Variants in IL7 observed in about 807,000 individuals in gnomAD.
The protein encoded by IL7 is interleukin 7.
A neutral mutation model predicts 21.6 loss-of-function variants in IL7; 3 were observed. That is an observed-to-expected ratio of 0.14 (90% CI 0.06 to 0.36). The LOEUF is 0.36. Among genes scored for constraint, IL7 ranks in the 10% least tolerant of loss-of-function variants. IL7 has a pLI of 1.00. For missense variants in IL7, 175 were observed against 200.2 expected (o/e 0.87, Z 0.76); for synonymous variants, 62 against 68.1 (o/e 0.91, Z 0.44).
Position 78,697,367 on chromosome 8 carries a change from A to G in IL7, n.215-11420T>C, listed in dbSNP as rs1348558843. Reference sequence around the variant, plus strand: ...ACCACTACTTTACAATCCATAATCAAAAAGTGATGTTGATTAATATTTTTT... The same window carrying G: ...ACCACTACTTTACAATCCATAATCAGAAAGTGATGTTGATTAATATTTTTT... On this transcript the variant is annotated intron_variant and non_coding_transcript_variant, in intron 3 of 4. Coordinates refer to the IL7 transcript ENST00000523959. 2.7e-6 allele frequency: 4 copies of G among 1,501,210 alleles called. No homozygotes were observed. In the South Asian group the frequency reaches 3.7e-5, roughly 14 times the overall value. 93.0% of individuals were successfully genotyped at this position (1,501,210 alleles called of 1,614,324 possible).
chr8:78,761,827 G>A (rs368667110), intron 2 of IL7: 7 of 1,612,010 alleles, frequency 4.3e-6, no homozygotes, highest in Non-Finnish European at 5.9e-6. Context: ...GTGCCTGAAA[G>A]TTATCTGGAG....
intron 3 of IL7, among the ~76,000 whole-genome samples, chr8:78,691,860 G>A (rs116008975): frequency 1.8e-3 from 277 of 152,160 alleles, no homozygotes; most frequent in African/African-American, 6.5e-3. Flanking sequence ...TACTCTTGAT[G>A]TGTATTGTTA....
chr8:78,765,053 A>G (rs563845515), intron 2 of IL7, among the ~76,000 whole-genome samples: 9 of 152,258 alleles, frequency 5.9e-5, no homozygotes, highest in African/African-American at 1.9e-4. Flanking sequence ...GATTTTTGAC[A>G]AACGGGCAAA....
At chr8:78,760,342 G>A (rs1479719760) in intron 2 of IL7, 33 of 1,609,718 alleles carry the variant, frequency 2.1e-5, no homozygotes, top group South Asian at 4.4e-5. Context: ...TTTTCATACC[G>A]CTCATTCTCA....
At chr8:78,713,524 A>G (rs1184795334), downstream of IL7, among the ~76,000 whole-genome samples, 3 of 152,078 alleles carry the variant, frequency 2.0e-5, no homozygotes, top group Non-Finnish European at 4.4e-5. Flanking sequence ...TTTCCTAAAG[A>G]TTGAATTTCT....
chr8:78,718,377 A>G (rs1471103076), intron 6 of IL7: 6 of 151,996 alleles, frequency 3.9e-5, no homozygotes, highest in African/African-American at 7.2e-5. Flanking sequence ...GTTTAAAAAC[A>G]TATAATTTTT....
chr8:78,790,578 C>T (rs1257610512), intron 2 of IL7, among the ~76,000 whole-genome samples: 1 of 151,996 alleles, frequency 6.6e-6, no homozygotes, highest in Non-Finnish European at 1.5e-5. Flanking sequence ...ATGACTCAAA[C>T]ATAAAATCTG....
At chr8:78,690,355 T>A (rs1025438903) in intron 3 of IL7, among the ~76,000 whole-genome samples, 1 of 152,150 alleles carries the variant, frequency 6.6e-6, no homozygotes, top group Non-Finnish European at 1.5e-5. Flanking sequence ...TGTCAGGAGA[T>A]AAAGACCATC....
downstream of IL7, chr8:78,717,655 T>TACAC: frequency 1.5e-6 from 1 of 674,962 alleles, no homozygotes; most frequent in Non-Finnish European, 2.4e-6. Context: ...TGTGTGTATG[T>TACAC]TTATATGTGT....
intron 3 of IL7, among the ~76,000 whole-genome samples, chr8:78,689,046 T>TC (rs1810120199): frequency 6.6e-6 from 1 of 151,812 alleles, no homozygotes; most frequent in Admixed American, 6.6e-5. Flanking sequence ...TTTTTTTTTT[T>TC]TAACTCTTTA....
At chr8:78,718,810 A>C (rs1447561342) in intron 6 of IL7, 1 of 151,766 alleles carries the variant, frequency 6.6e-6, no homozygotes, top group East Asian at 1.9e-4. Context: ...ATTCAATCAA[A>C]CCTAAGAGAG....
chr8:78,748,700 A>T (rs1434328753), intron 2 of IL7, among the ~76,000 whole-genome samples: 1 of 152,212 alleles, frequency 6.6e-6, no homozygotes, highest in Non-Finnish European at 1.5e-5. Flanking sequence ...TCAGGAACAG[A>T]TGTCAAATAG....
In IL7 at chr8:78,739,005, G is replaced by T. The variant is rs549253733; in HGVS notation, c.229-370C>A. 6.6e-5 allele frequency among the ~76,000 whole-genome samples: 10 copies of T among 152,216 alleles called. No homozygotes were observed. In the East Asian group the frequency reaches 1.5e-3, roughly 23 times the overall value. On this transcript the variant is annotated intron_variant, in intron 3 of 5. Coordinates refer to ENST00000263851, the MANE Select transcript of IL7 (RefSeq NM_000880.4). ...CAATGTATTATAAGAGGTATGTGTGGTTTTTTCTTAGTATTTCTTGCATCT... is the reference window on the plus strand; with the variant it reads ...CAATGTATTATAAGAGGTATGTGTGTTTTTTTCTTAGTATTTCTTGCATCT...
chr8:78,754,464 C>T (rs1586072248), intron 2 of IL7, among the ~76,000 whole-genome samples: 1 of 152,058 alleles, frequency 6.6e-6, no homozygotes, highest in Non-Finnish European at 1.5e-5. Context: ...GCCATACTGC[C>T]CAAAGCAATT....
chr8:78,797,914 CTATAAAAATA>C (rs1813915157), intron 2 of IL7, 148 bp downstream of exon 2: 4 of 479,820 alleles, frequency 8.3e-6, no homozygotes, highest in Non-Finnish European at 1.5e-5. Context: ...ATTATGTCAG[CTATAAAAATA>C]TACAGTTAGT....
chr8:78,805,127 T>C lies in IL7; in HGVS notation c.-205A>G, dbSNP rs550045878. 3.6e-6 allele frequency: 2 copies of C among 552,190 alleles called. No homozygotes were observed. Among genetic ancestry groups the C allele is most frequent in the Non-Finnish European group, 6.6e-6 (2 of 304,112 alleles). 34.2% of individuals were successfully genotyped at this position (552,190 alleles called of 1,614,324 possible). On this transcript the variant is annotated 5_prime_UTR_variant, in exon 1 of 6. Coordinates refer to ENST00000263851, the MANE Select transcript of IL7 (RefSeq NM_000880.4). Reference sequence around the variant, plus strand: ...AAGGGGGGCGGCACACACTACGGCGTGGCTCTGCGCTTTGCCTTTTCCATA... The same window carrying C: ...AAGGGGGGCGGCACACACTACGGCGCGGCTCTGCGCTTTGCCTTTTCCATA...
At chr8:78,704,433 C>A (rs1315162017) in intron 3 of IL7, among the ~76,000 whole-genome samples, 9 of 150,504 alleles carry the variant, frequency 6.0e-5, no homozygotes, top group Non-Finnish European at 1.3e-4. Flanking sequence ...TCCCCAATAT[C>A]TTCTGGCTTG....
chr8:78,731,705 C>T (rs1209124491), downstream of IL7, among the ~76,000 whole-genome samples: 1 of 151,894 alleles, frequency 6.6e-6, no homozygotes, highest in African/African-American at 2.4e-5. Flanking sequence ...ATTAGCCAAC[C>T]TATCTTGTTA....
chr8:78,757,029 T>C (rs1812371413), intron 2 of IL7, among the ~76,000 whole-genome samples: 1 of 151,952 alleles, frequency 6.6e-6, no homozygotes, highest in Non-Finnish European at 1.5e-5. Flanking sequence ...GCTATTGCTA[T>C]AACATTCCCT....
Sources: gnomAD v4.1 joint callset for allele counts (sites outside exome capture counted in the v4.1 genomes callset) on GRCh38, gnomAD v4.1.1 for gene constraint, MANE v1.5 for transcripts, NCBI Gene and HGNC (gene_info 2026-07-23, HGNC 2026-07-21) for gene names.